WWOX: variants seen among roughly 807,000 people sequenced by gnomAD.
The protein encoded by WWOX is WW domain-containing oxidoreductase.
A neutral mutation model predicts 46.2 loss-of-function variants in WWOX; 69 were observed. That is an observed-to-expected ratio of 1.49 (90% confidence interval 1.23 to 1.82). WWOX has a LOEUF of 1.82. WWOX is among the 40% of genes most tolerant of loss of function. The pLI, the probability that WWOX is intolerant of heterozygous loss-of-function variation, is 0.00. For missense variants in WWOX, 919 were observed against 542.6 expected (o/e 1.69, Z -6.89); for synonymous variants, 359 against 202.6 (o/e 1.77, Z -6.56).
chr16:78,489,027 G>A (rs2084712281), intron 8 of WWOX, among the ~76,000 whole-genome samples: 1 of 152,090 alleles, frequency 6.6e-6, no homozygotes, highest in Admixed American at 6.5e-5. Flanking sequence ...CCTGCTCTGG[G>A]CCAGCCCTTT....
chr16:78,120,189 TC>T (rs1171488259), intron 4 of WWOX, among the ~76,000 whole-genome samples: 2 of 152,182 alleles, frequency 1.3e-5, no homozygotes, highest in Non-Finnish European at 2.9e-5. Flanking sequence ...TACTTACATA[TC>T]AAAATGTATA....
chr16:78,261,888 C>T (rs531040677), intron 5 of WWOX, among the ~76,000 whole-genome samples: 5 of 149,062 alleles, frequency 3.4e-5, no homozygotes, highest in South Asian at 4.2e-4. Context: ...TGATAACTTG[C>T]ATTAAGAAAT....
At chr16:78,906,148 C>T (rs1408368951) in intron 8 of WWOX, among the ~76,000 whole-genome samples, 1 of 152,140 alleles carries the variant, frequency 6.6e-6, no homozygotes, top group Non-Finnish European at 1.5e-5. Context: ...ACCCAAAATC[C>T]TCAGCGAAAC....
chr16:78,464,575 G>T (rs2084028365), intron 8 of WWOX, among the ~76,000 whole-genome samples: 1 of 152,160 alleles, frequency 6.6e-6, no homozygotes, highest in Admixed American at 6.5e-5. Flanking sequence ...TTTCTAAAGG[G>T]TAAAGGTGCA....
chr16:78,502,365 C>A (rs2085090821), intron 8 of WWOX, among the ~76,000 whole-genome samples: 1 of 152,150 alleles, frequency 6.6e-6, no homozygotes, highest in Non-Finnish European at 1.5e-5. Flanking sequence ...TTCCTGGCAA[C>A]CACTAACCAA....
At chr16:78,925,984 G>C (rs144229641) in intron 8 of WWOX, among the ~76,000 whole-genome samples, 86 of 152,354 alleles carry the variant, frequency 5.6e-4, no homozygotes, top group African/African-American at 2.0e-3. Flanking sequence ...AGGGAGAAGG[G>C]AAGGGATGTG....
At chr16:78,641,174 G>C (rs954871063) in intron 8 of WWOX, among the ~76,000 whole-genome samples, 9 of 151,892 alleles carry the variant, frequency 5.9e-5, no homozygotes, top group Non-Finnish European at 1.3e-4. Context: ...AATGACCCCC[G>C]TTGACAACAA....
rs150124231 is a variant in WWOX, at chr16:78,478,390, C to T, written c.1056+45638C>T. On this transcript the variant is annotated intron_variant, in intron 8 of 8. Transcript: ENST00000566780. ...TCATTTGATCTGGTTCTTCCTTAAG[C>T]CAATGTTAGCATGAATGGCCATATT... Among the ~76,000 whole-genome samples, 200 of 152,200 alleles carry T rather than the reference C, an allele frequency of 1.3e-3. 1 individual carries two copies. Among genetic ancestry groups the T allele is most frequent in the African/African-American group, 4.6e-3 (192 of 41,518 alleles).
intron 8 of WWOX, among the ~76,000 whole-genome samples, chr16:78,840,649 T>C (rs2052114863): frequency 6.6e-6 from 1 of 152,104 alleles, no homozygotes; most frequent in African/African-American, 2.4e-5. Flanking sequence ...AGGGATCTTG[T>C]TAAATTTGGA....
intron 8 of WWOX, among the ~76,000 whole-genome samples, chr16:78,914,353 C>G (rs997145468): frequency 6.6e-6 from 1 of 152,030 alleles, no homozygotes; most frequent in African/African-American, 2.4e-5. Flanking sequence ...AGAACAGTAC[C>G]TGGCATATAG....
At chr16:79,035,045 C>G (rs1255493808) in intron 8 of WWOX, among the ~76,000 whole-genome samples, 1 of 152,118 alleles carries the variant, frequency 6.6e-6, no homozygotes, top group Non-Finnish European at 1.5e-5. Flanking sequence ...TCAACATTTC[C>G]TACATTCAAC....
chr16:78,539,766 A>G (rs78528156), intron 8 of WWOX, among the ~76,000 whole-genome samples: 5 of 152,194 alleles, frequency 3.3e-5, no homozygotes, highest in Non-Finnish European at 7.3e-5. Flanking sequence ...GTGAGATGCA[A>G]TAGATAATCT....
intron 5 of WWOX, among the ~76,000 whole-genome samples, chr16:78,370,472 C>T (rs1039847147): frequency 1.2e-4 from 17 of 144,938 alleles, no homozygotes; most frequent in Non-Finnish European, 1.7e-4. Flanking sequence ...ATATGAGAGA[C>T]GTATGCTGGG....
chr16:78,292,259 A>G (rs528129834), intron 5 of WWOX, among the ~76,000 whole-genome samples: 1 of 152,230 alleles, frequency 6.6e-6, no homozygotes, highest in Admixed American at 6.6e-5. Context: ...CTCCTATCCT[A>G]AGGCGTGGCC....
Position 78,260,400 on chromosome 16 carries a change from C to G in WWOX, c.516+96111C>G, listed in dbSNP as rs892534192. ...GTAAGGCTCATTTACATTACAGGCT[C>G]AGGCCTGTAATCCCAGCACTTTGGG... On this transcript the variant is annotated intron_variant, in intron 5 of 8. Transcript: ENST00000566780. Among the ~76,000 whole-genome samples the G allele has an allele frequency of 3.3e-5, 5 of 151,698 alleles. No individual in the cohort carries two copies. The East Asian group carries it at 5.8e-4, about 18-fold the overall frequency.
At chr16:78,731,257 G>A (rs919441744) in intron 8 of WWOX, among the ~76,000 whole-genome samples, 1 of 152,120 alleles carries the variant, frequency 6.6e-6, no homozygotes, top group Admixed American at 6.6e-5. Context: ...ATGTGTCCAA[G>A]GTTAGACCCG....
intron 8 of WWOX, among the ~76,000 whole-genome samples, chr16:78,529,593 A>G (rs535276768): frequency 6.6e-6 from 1 of 151,890 alleles, no homozygotes; most frequent in African/African-American, 2.4e-5. Flanking sequence ...CAGCCTCCTG[A>G]GTAGCTGGGA....
At chr16:78,876,448 A>G (rs1286505421) in intron 8 of WWOX, among the ~76,000 whole-genome samples, 3 of 149,896 alleles carry the variant, frequency 2.0e-5, no homozygotes, top group Admixed American at 6.7e-5. Context: ...ATCAACAAAT[A>G]GATTGTGAAT....
At chr16:78,325,896 T>C (rs954491583) in intron 5 of WWOX, among the ~76,000 whole-genome samples, 4 of 152,254 alleles carry the variant, frequency 2.6e-5, no homozygotes, top group African/African-American at 9.6e-5. Flanking sequence ...GTTAATCAAA[T>C]TAAAGGCTAT....
Sources: gnomAD v4.1 joint callset for allele counts (sites outside exome capture counted in the v4.1 genomes callset) on GRCh38, gnomAD v4.1.1 for gene constraint, MANE v1.5 for transcripts, NCBI Gene and HGNC (gene_info 2026-07-23, HGNC 2026-07-21) for gene names.